FBN1: variants seen among roughly 807,000 people sequenced by gnomAD.
FBN1 encodes the protein fibrillin-1.
In FBN1, 29 loss-of-function variants were observed where a neutral mutation model predicts 365.1. The ratio of observed to expected loss-of-function variants is 0.08; its 90% CI spans 0.06 to 0.11. The LOEUF is 0.11. Ranked by LOEUF, FBN1 falls within the 10% of genes least tolerant of loss-of-function variation. FBN1 has a pLI of 1.00. For synonymous variants in FBN1, 1,210 were observed against 1,270.5 expected, an observed-to-expected ratio of 0.95 and a Z score of 1.01; for missense variants, 2,476 against 3,703.2, an observed-to-expected ratio of 0.67 and a Z score of 8.60.
In FBN1 at chr15:48,526,165, C is replaced by T; in HGVS notation, c.953G>A (p.Gly318Asp). The T allele has an allele frequency of 6.2e-7, 1 of 1,614,096 alleles. No homozygotes were observed. Among genetic ancestry groups the T allele is most frequent in the Non-Finnish European group, 8.5e-7 (1 of 1,179,990 alleles). ...GGTACCATCTGGAGAGGTGTAAAAACCAGGGGGACATTTGCAAAAGTAACT... is the reference window on the plus strand; with the variant it reads ...GGTACCATCTGGAGAGGTGTAAAAATCAGGGGGACATTTGCAAAAGTAACT... ...VSSYFCKCPP[G>D]FYTSPDGTRC... is the part of the protein sequence containing the mutation. Residue 318 changes from glycine to aspartate, a missense_variant, in exon 9 of 66, where the codon GGT (glycine) becomes GAT (aspartate). Coordinates refer to ENST00000316623, the MANE Select transcript of FBN1 (RefSeq NM_000138.5).
Position 48,410,578 on chromosome 15 carries a change from A to G in FBN1, c.*412T>C, listed in dbSNP as rs1487651039. 5.6e-6 allele frequency: 1 copy of G among 178,756 alleles called. No homozygotes were observed. The highest frequency in any genetic ancestry group is 5.6e-5 in the Admixed American group (1 of 17,882). 11.1% of individuals were successfully genotyped at this position (178,756 alleles called of 1,614,324 possible). ...GTTTGAAAATTTACTAGCACCAAATAGGTACCATAAATGGACAACCTAGTA... is the reference window on the plus strand; with the variant it reads ...GTTTGAAAATTTACTAGCACCAAATGGGTACCATAAATGGACAACCTAGTA... On this transcript the variant is annotated 3_prime_UTR_variant, in exon 66 of 66. Coordinates refer to ENST00000316623, the MANE Select transcript of FBN1 (RefSeq NM_000138.5).
chr15:48,577,768 T>C (rs1236901532), intron 6 of FBN1, among the ~76,000 whole-genome samples: 1 of 152,204 alleles, frequency 6.6e-6, no homozygotes, highest in East Asian at 1.9e-4. Flanking sequence ...TGACGTTCCA[T>C]AATGCACGAA....
At chr15:48,453,294 C>CAAAAAAAAAAAAAAA (rs60566317) in intron 44 of FBN1, among the ~76,000 whole-genome samples, 4 of 58,460 alleles carry the variant, frequency 6.8e-5, no homozygotes, top group Non-Finnish European at 1.3e-4. Context: ...ATAAAACAAA[C>CAAAAAAAAAAAAAAA]AAAAAAAAAA....
rs756848853 is a variant in FBN1 at position 48,456,797 on chromosome 15, C to T, written c.5297-35G>A. 1.9e-6 allele frequency: 3 copies of T among 1,602,910 alleles called. No homozygotes were observed. In the East Asian group the frequency reaches 6.8e-5, roughly 36 times the overall value. The stretch of plus-strand genomic sequence containing the variant: ...GAGTAGTCATTCATGAGTGACAGGA[C>T]AGCACATGATCCCTGTGCAGGGTAA... On this transcript the variant is annotated intron_variant, in intron 43 of 65. Coordinates refer to ENST00000316623, the MANE Select transcript of FBN1 (RefSeq NM_000138.5).
At chr15:48,463,836 G>A (rs2043299485) in intron 41 of FBN1, 63 bp downstream of exon 41, 1 of 1,536,404 alleles carries the variant, frequency 6.5e-7, no homozygotes, top group Admixed American at 1.9e-5. Context: ...ATGAACTTGT[G>A]AGCTCTCTTC....
Position 48,481,832 on chromosome 15 carries a change from A to T in FBN1, c.3839-52T>A, listed in dbSNP as rs754040096. The T allele has an allele frequency of 3.3e-6, 5 of 1,536,748 alleles. No homozygotes were observed. In the East Asian group the frequency reaches 1.1e-4, roughly 35 times the overall value. On this transcript the variant is annotated intron_variant, in intron 31 of 65. Transcript: ENST00000316623. ...ATGTAGCTATTTGATATCATTGAGT[A>T]CTTTCCCCTCGAGACATAATAACTA...
At chr15:48,507,098 G>T (rs1257210316) in intron 15 of FBN1, among the ~76,000 whole-genome samples, 1 of 152,102 alleles carries the variant, frequency 6.6e-6, no homozygotes, top group Non-Finnish European at 1.5e-5. Context: ...TTATCTATTG[G>T]CCATACTTAA....
intron 58 of FBN1, among the ~76,000 whole-genome samples, chr15:48,426,377 T>C (rs1193695014): frequency 6.6e-6 from 1 of 152,102 alleles, no homozygotes; most frequent in East Asian, 1.9e-4. Context: ...TCAAATTACA[T>C]AATATTGGGG....
intron 4 of FBN1, among the ~76,000 whole-genome samples, chr15:48,608,503 A>G (rs1373614567): frequency 1.3e-5 from 2 of 152,216 alleles, no homozygotes; most frequent in East Asian, 3.8e-4. Flanking sequence ...GATCATCCCC[A>G]GCTATCCTTA....
intron 29 of FBN1, among the ~76,000 whole-genome samples, chr15:48,486,025 T>C (rs1266500158): frequency 3.9e-5 from 6 of 152,196 alleles, no homozygotes; most frequent in Admixed American, 3.3e-4. Flanking sequence ...GAGACTCTAA[T>C]AGTGAATGGG....
chr15:48,578,987 C>A (rs2044370816), intron 6 of FBN1, among the ~76,000 whole-genome samples: 1 of 147,322 alleles, frequency 6.8e-6, no homozygotes, highest in South Asian at 2.2e-4. Context: ...GCACATGTAC[C>A]CTAAAACTTA....
intron 8 of FBN1, among the ~76,000 whole-genome samples, chr15:48,530,234 G>T (rs988095966): frequency 7.3e-6 from 1 of 136,990 alleles, no homozygotes; most frequent in Admixed American, 7.4e-5. Flanking sequence ...TGCATCCGCC[G>T]CCTGATCACA....
At chr15:48,509,922 G>T in intron 14 of FBN1, 122 bp downstream of exon 14, 1 of 1,075,684 alleles carries the variant, frequency 9.3e-7, no homozygotes, top group Non-Finnish European at 1.4e-6. Flanking sequence ...TTCCTTTTGA[G>T]ATAAAATATA....
At chr15:48,604,942 C>T (rs2044594920) in intron 4 of FBN1, among the ~76,000 whole-genome samples, 1 of 152,156 alleles carries the variant, frequency 6.6e-6, no homozygotes, top group Non-Finnish European at 1.5e-5. Flanking sequence ...ACTCTTGCTC[C>T]CAGCTGATTA....
chr15:48,543,851 C>T (rs1030339864), intron 6 of FBN1, among the ~76,000 whole-genome samples: 1 of 152,118 alleles, frequency 6.6e-6, no homozygotes, highest in Non-Finnish European at 1.5e-5. Context: ...TGGTTACATA[C>T]AAGAATGTCC....
At position 48,410,883 on chromosome 15, in the gene FBN1, T is replaced by C. The variant is rs562749473; in HGVS notation, c.*107A>G. 7.1e-6 allele frequency: 8 copies of C among 1,120,066 alleles called. No individual in the cohort carries two copies. The highest frequency in any genetic ancestry group is 5.9e-4 in the Middle Eastern group (2 of 3,386). The allele number at this position is 1,120,066 out of a possible 1,614,324, so 69.4% of individuals were successfully genotyped here. A position where few individuals can be genotyped will look rare whatever the true frequency, so the allele number is the denominator to read the frequency against. On this transcript the variant is annotated 3_prime_UTR_variant, in exon 66 of 66. Coordinates refer to ENST00000316623, the MANE Select transcript of FBN1 (RefSeq NM_000138.5). ...ATAGTGCTTATTTATACAAATTTAC[T>C]TGGTGAAAGATTGTACCTATGATAT...
At chr15:48,435,772 A>ATATATGTGTGTATATATATGTATATG (rs1555395092) in intron 53 of FBN1, among the ~76,000 whole-genome samples, 5 of 106,358 alleles carry the variant, frequency 4.7e-5, no homozygotes, top group East Asian at 3.2e-4. Context: ...ATATGTGTAT[A>ATATATGTGTGTATATATATGTATATG]TGTGTGTGTG....
rs758074483 is a variant in FBN1, at chr15:48,468,556, T to C, written c.4460-22A>G. On this transcript the variant is annotated intron_variant, in intron 36 of 65. Coordinates refer to ENST00000316623, the MANE Select transcript of FBN1 (RefSeq NM_000138.5). Reference sequence around the variant, plus strand: ...ACATCTAAAACCGAACAGTGAGTAGTGGAGTTATCACCTGAGCCAGTGTAG... The same window carrying C: ...ACATCTAAAACCGAACAGTGAGTAGCGGAGTTATCACCTGAGCCAGTGTAG... The C allele has an allele frequency of 7.4e-6, 12 of 1,613,846 alleles. No individual in the cohort carries two copies. In the East Asian group the frequency reaches 1.1e-4, roughly 15 times the overall value.
At chr15:48,540,664 G>A (rs2044051447) in intron 6 of FBN1, among the ~76,000 whole-genome samples, 1 of 152,024 alleles carries the variant, frequency 6.6e-6, no homozygotes, top group Non-Finnish European at 1.5e-5. Flanking sequence ...TCCTACATCT[G>A]AGACTAGAAA....
Sources: allele counts gnomAD v4.1 joint callset (sites outside exome capture counted in the v4.1 genomes callset), GRCh38; gene constraint gnomAD v4.1.1; transcripts MANE v1.5; gene names NCBI Gene and HGNC (gene_info 2026-07-23, HGNC 2026-07-21).